The following KCNG3 variants were observed in gnomAD, a reference collection of about 807,000 sequenced individuals.
KCNG3 encodes the protein potassium voltage-gated channel modifier subfamily G member 3.
Under a neutral mutation model 29.0 loss-of-function variants are expected in KCNG3, and 15 were observed. That is an observed-to-expected ratio of 0.52 (90% CI 0.35 to 0.80). KCNG3 has a LOEUF of 0.80. Ranked by LOEUF, KCNG3 falls within the 30% of genes least tolerant of loss-of-function variation. The pLI, the probability that KCNG3 is intolerant of heterozygous loss-of-function variation, is 0.01. For missense variants in KCNG3, 512 were observed against 605.7 expected (o/e 0.85, Z 1.62); for synonymous variants, 322 against 248.9 (o/e 1.29, Z -2.76).
chr2:42,435,303 C>T, the KCNG3 span, among the ~76,000 whole-genome samples: 1 of 152,124 alleles, frequency 6.6e-6, no homozygotes, highest in African/African-American at 2.4e-5. Flanking sequence ...AGCAAAACTC[C>T]ATCTCAAAAA....
rs191727566 is a variant in KCNG3 at position 42,472,881 on chromosome 2, C to T, written c.665+19956G>A. Among the ~76,000 whole-genome samples the T allele has an allele frequency of 2.9e-3, 410 of 140,046 alleles. 2 individuals carry two copies. The highest frequency in any genetic ancestry group is 0.01 in the African/African-American group (393 of 38,696). 91.9% of individuals were successfully genotyped at this position (140,046 alleles called of 152,430 possible). On this transcript the variant is annotated intron_variant, in intron 1 of 1. Transcript: ENST00000306078. ...AATCTATAAATATATATATATAGAT[C>T]TATCGATAGATATATATATATATTT...
chr2:42,474,984 C>T (rs1239994011), intron 1 of KCNG3, among the ~76,000 whole-genome samples: 1 of 152,106 alleles, frequency 6.6e-6, no homozygotes, highest in Non-Finnish European at 1.5e-5. Flanking sequence ...AAGGAAGCTA[C>T]CTTATTTCCT....
chr2:42,424,324 G>T, the KCNG3 span, among the ~76,000 whole-genome samples: 1 of 151,858 alleles, frequency 6.6e-6, no homozygotes, highest in Non-Finnish European at 1.5e-5. Context: ...AGATTTACAG[G>T]GGACAGAGAT....
At chr2:42,456,588 C>G (rs546729300) in intron 1 of KCNG3, among the ~76,000 whole-genome samples, 18 of 152,080 alleles carry the variant, frequency 1.2e-4, no homozygotes, top group Non-Finnish European at 2.4e-4. Flanking sequence ...CTTCTATTTA[C>G]AAAAGGAGTT....
rs900591958 is a variant in KCNG3 at position 42,442,999 on chromosome 2, G to A, written c.*935C>T. The A allele has an allele frequency of 1.3e-5, 2 of 152,096 alleles. No individual in the cohort carries two copies. Among genetic ancestry groups the A allele is most frequent in the African/African-American group, 4.8e-5 (2 of 41,434 alleles). The allele number at this position is 152,096 out of a possible 1,614,324, so 9.4% of individuals were successfully genotyped here. ...GTAAGTATGACTTTGCTACTAAAAG[G>A]CTATATAAATATCCTTTCATCTGAT... On this transcript the variant is annotated 3_prime_UTR_variant, in exon 2 of 2. Coordinates refer to ENST00000306078, the MANE Select transcript of KCNG3 (RefSeq NM_133329.6).
At chr2:42,433,468 G>A in the KCNG3 span, among the ~76,000 whole-genome samples, 4 of 152,182 alleles carry the variant, frequency 2.6e-5, no homozygotes, top group East Asian at 1.9e-4. Context: ...GCCAGGGGTG[G>A]TGGCTCATGC....
At chr2:42,460,085 C>T (rs1350217817) in intron 1 of KCNG3, among the ~76,000 whole-genome samples, 8 of 152,012 alleles carry the variant, frequency 5.3e-5, no homozygotes, top group Non-Finnish European at 7.4e-5. Flanking sequence ...TATTTTAAGC[C>T]AGGCAAGGTG....
chr2:42,469,341 C>G (rs755146676), intron 1 of KCNG3, among the ~76,000 whole-genome samples: 49 of 149,922 alleles, frequency 3.3e-4, no homozygotes, highest in Non-Finnish European at 5.9e-4. Flanking sequence ...CGCTTGAACC[C>G]AAGAGGCGGA....
chr2:42,394,692 G>A, the KCNG3 span, among the ~76,000 whole-genome samples: 6 of 152,070 alleles, frequency 3.9e-5, no homozygotes, highest in Non-Finnish European at 7.4e-5. Flanking sequence ...GAGTTGTCCC[G>A]CCTTTCCAAA....
chr2:42,454,407 T>C (rs1227906136), intron 1 of KCNG3, among the ~76,000 whole-genome samples: 1 of 152,194 alleles, frequency 6.6e-6, no homozygotes, highest in African/African-American at 2.4e-5. Flanking sequence ...TGGAATTTAA[T>C]ATTGAATTTA....
At chr2:42,451,982 G>T (rs1672766676) in intron 1 of KCNG3, among the ~76,000 whole-genome samples, 3 of 151,902 alleles carry the variant, frequency 2.0e-5, no homozygotes, top group Admixed American at 2.0e-4. Context: ...GATGATATTT[G>T]CAAGTCATTT....
chr2:42,457,627 T>TCTCACACA (rs1553327818), intron 1 of KCNG3, among the ~76,000 whole-genome samples: 8 of 125,520 alleles, frequency 6.4e-5, no homozygotes, highest in Admixed American at 1.7e-4. Flanking sequence ...CAGGCAGATC[T>TCTCACACA]CACACACACA....
chr2:42,390,711 T>G, the KCNG3 span, among the ~76,000 whole-genome samples: 1 of 152,186 alleles, frequency 6.6e-6, no homozygotes, highest in African/African-American at 2.4e-5. Flanking sequence ...TGTTCTTTCC[T>G]TAGAGAGGCC....
At chr2:42,399,093 G>A in the KCNG3 span, among the ~76,000 whole-genome samples, 1 of 114,210 alleles carries the variant, frequency 8.8e-6, no homozygotes, top group Non-Finnish European at 1.6e-5. Flanking sequence ...GTCTCACTCT[G>A]TCACCCAGGC....
intron 1 of KCNG3, among the ~76,000 whole-genome samples, chr2:42,455,573 G>T (rs1364782791): frequency 1.3e-5 from 2 of 152,122 alleles, no homozygotes; most frequent in Admixed American, 6.6e-5. Flanking sequence ...AATACAGAGA[G>T]ATCTCACAAT....
the KCNG3 span, among the ~76,000 whole-genome samples, chr2:42,406,020 G>A: frequency 6.6e-6 from 1 of 152,068 alleles, no homozygotes; most frequent in Non-Finnish European, 1.5e-5. Flanking sequence ...TGGGATTACA[G>A]GCGTGAGCCA....
the KCNG3 span, among the ~76,000 whole-genome samples, chr2:42,407,527 G>A: frequency 6.6e-6 from 1 of 152,190 alleles, no homozygotes; most frequent in Non-Finnish European, 1.5e-5. Flanking sequence ...ACAAGTGGGA[G>A]CCCCACCTCT....
chr2:42,434,666 C>CAAAAAAAAAAAAAAAAAAAAAAAAAAAAA, the KCNG3 span, among the ~76,000 whole-genome samples: 2 of 64,696 alleles, frequency 3.1e-5, 1 homozygote, highest in African/African-American at 1.2e-4. Context: ...AACTCCATCT[C>CAAAAAAAAAAAAAAAAAAAAAAAAAAAAA]AAAAAAAAAA....
the KCNG3 span, among the ~76,000 whole-genome samples, chr2:42,396,731 T>C: frequency 5.3e-5 from 8 of 152,102 alleles, no homozygotes; most frequent in African/African-American, 1.7e-4. Context: ...GGTTCAGAGC[T>C]TGGCAGTGAG....
Sources: allele counts gnomAD v4.1 joint callset (sites outside exome capture counted in the v4.1 genomes callset), GRCh38; gene constraint gnomAD v4.1.1; transcripts MANE v1.5; gene names NCBI Gene and HGNC (gene_info 2026-07-23, HGNC 2026-07-21).